IFT80: variants seen among roughly 807,000 people sequenced by gnomAD.
IFT80 encodes the protein intraflagellar transport protein 80 homolog.
IFT80 carries 79 observed loss-of-function variants against 107.9 expected under a neutral mutation model. That is an observed-to-expected ratio of 0.73 (90% CI 0.61 to 0.88). The LOEUF (loss-of-function observed/expected upper bound fraction) is 0.88, where lower values mean the gene tolerates loss of function less well. Ranked by LOEUF, IFT80 falls within the 40% of genes least tolerant of loss-of-function variation. The pLI, the probability that IFT80 is intolerant of heterozygous loss-of-function variation, is 0.00. For synonymous variants in IFT80, 299 were observed against 300.9 expected, an observed-to-expected ratio of 0.99 and a Z score of 0.07; for missense variants, 797 against 914.2, an observed-to-expected ratio of 0.87 and a Z score of 1.65.
At chr3:160,360,287 G>C (rs752275016) in intron 6 of IFT80, among the ~76,000 whole-genome samples, 6 of 152,122 alleles carry the variant, frequency 3.9e-5, no homozygotes, top group African/African-American at 7.2e-5. Context: ...GAAATAAAGT[G>C]AGAAGAGAAG....
chr3:160,283,619 A>T (rs189491639), intron 13 of IFT80, among the ~76,000 whole-genome samples: 1 of 152,358 alleles, frequency 6.6e-6, no homozygotes, highest in African/African-American at 2.4e-5. Context: ...AGGTATTTTC[A>T]AAATGGAAAT....
Position 160,277,596 on chromosome 3 carries a change from A to G in IFT80, c.1911T>C (p.Tyr637=). 6.2e-7 allele frequency: 1 copy of G among 1,613,144 alleles called. No individual in the cohort carries two copies. Among genetic ancestry groups the G allele is most frequent in the Non-Finnish European group, 8.5e-7 (1 of 1,179,216 alleles). The change falls in exon 17 of 20, where the codon TAT becomes TAC. Residue 637 remains tyrosine (Y), a synonymous_variant. Coordinates refer to ENST00000326448, the MANE Select transcript of IFT80 (RefSeq NM_020800.3). ...NRDMTTAEIA[Y]AAIGEIDKVQ... is the part of the protein sequence containing the mutation. ...AATTACTTACTTCACCAATTGCTGC[A>G]TAGGCTATTTCTGCAGTAGTCATAT... is the stretch of plus-strand genomic sequence containing the variant.
Position 160,275,401 on chromosome 3 carries a change from T to C in IFT80, c.2099+1905A>G, listed in dbSNP as rs531027747. Reference sequence around the variant, plus strand: ...CTGGTACCATTGTTTATATTGTTTTTACTGGATTACTGTTTATCTCTCTAA... The same window carrying C: ...CTGGTACCATTGTTTATATTGTTTTCACTGGATTACTGTTTATCTCTCTAA... On this transcript the variant is annotated intron_variant, in intron 18 of 19. Coordinates refer to ENST00000326448, the MANE Select transcript of IFT80 (RefSeq NM_020800.3). Among the ~76,000 whole-genome samples, 50 of 152,348 alleles carry C rather than the reference T, an allele frequency of 3.3e-4. 1 individual carries two copies. Among genetic ancestry groups the C allele is most frequent in the Admixed American group, 9.8e-4 (15 of 15,300 alleles).
intron 1 of IFT80, among the ~76,000 whole-genome samples, chr3:160,387,796 C>A (rs1377987454): frequency 1.3e-5 from 2 of 152,010 alleles, no homozygotes; most frequent in Non-Finnish European, 2.9e-5. Flanking sequence ...ATATTCAAAG[C>A]CATGGAATAA....
intron 10 of IFT80, among the ~76,000 whole-genome samples, chr3:160,304,341 T>C (rs555541057): frequency 1.5e-4 from 23 of 152,148 alleles, no homozygotes; most frequent in Non-Finnish European, 2.5e-4. Flanking sequence ...TTAAAAACAG[T>C]AGCAGCATGG....
chr3:160,261,034 C>T (rs563641560), intron 19 of IFT80, among the ~76,000 whole-genome samples: 21 of 152,276 alleles, frequency 1.4e-4, no homozygotes, highest in African/African-American at 4.3e-4. Context: ...ATTCCATTTT[C>T]TTTGACTCCT....
At chr3:160,363,787 G>C (rs1254256131) in intron 6 of IFT80, among the ~76,000 whole-genome samples, 2 of 152,084 alleles carry the variant, frequency 1.3e-5, no homozygotes, top group East Asian at 3.9e-4. Context: ...AATGGTACTG[G>C]GAAAACTGGT....
chr3:160,282,975 A>G (rs181524950), intron 13 of IFT80, among the ~76,000 whole-genome samples: 1 of 152,206 alleles, frequency 6.6e-6, no homozygotes, highest in Non-Finnish European at 1.5e-5. Context: ...TTGATTAATA[A>G]GTTGCCTAAC....
intron 18 of IFT80, among the ~76,000 whole-genome samples, chr3:160,269,122 G>A (rs570343452): frequency 2.0e-4 from 30 of 152,050 alleles, no homozygotes; most frequent in African/African-American, 6.3e-4. Context: ...CCAACTACTC[G>A]GGAGGCTGAG....
At chr3:160,299,179 CT>C (rs1716219663) in intron 12 of IFT80, 1 of 998,788 alleles carries the variant, frequency 1.0e-6, no homozygotes, top group Non-Finnish European at 1.2e-6. Context: ...TGTCTGCCAT[CT>C]GGATACTATA....
chr3:160,281,547 T>C (rs1160878839), intron 14 of IFT80, among the ~76,000 whole-genome samples: 1 of 152,062 alleles, frequency 6.6e-6, no homozygotes, highest in African/African-American at 2.4e-5. Context: ...AAAATAATAA[T>C]TGGTTGCAGC....
chr3:160,324,659 C>A (rs1718543881), intron 8 of IFT80, among the ~76,000 whole-genome samples: 1 of 151,942 alleles, frequency 6.6e-6, no homozygotes, highest in Non-Finnish European at 1.5e-5. Flanking sequence ...TATGACAAAC[C>A]CACAGCTAAT....
At position 160,364,064 on chromosome 3, in the gene IFT80, C is replaced by G. The variant is rs1054793124; in HGVS notation, c.549+1979G>C. On this transcript the variant is annotated intron_variant, in intron 6 of 19. Coordinates refer to ENST00000326448, the MANE Select transcript of IFT80 (RefSeq NM_020800.3). ...CAAAAGAAACTACCATCAGAGTGAA[C>G]AGGCAACCTACAGAATGGGAGAAAA... 2.0e-5 allele frequency among the ~76,000 whole-genome samples: 3 copies of G among 152,150 alleles called. No individual in the cohort carries two copies. In the East Asian group the frequency reaches 5.8e-4, roughly 29 times the overall value.
chr3:160,322,089 G>A (rs1718276855), intron 8 of IFT80, among the ~76,000 whole-genome samples: 1 of 150,908 alleles, frequency 6.6e-6, no homozygotes, highest in East Asian at 1.9e-4. Context: ...TAATGTGCAG[G>A]TTAGTTATAT....
intron 3 of IFT80, among the ~76,000 whole-genome samples, chr3:160,378,240 T>C (rs1477041868): frequency 7.5e-6 from 1 of 133,764 alleles, no homozygotes; most frequent in Non-Finnish European, 1.6e-5. Context: ...TTATAGCCTA[T>C]AAAAAAAAAA....
chr3:160,304,952 T>C (rs997092310), intron 10 of IFT80, among the ~76,000 whole-genome samples: 2 of 152,206 alleles, frequency 1.3e-5, no homozygotes, highest in Non-Finnish European at 2.9e-5. Context: ...CTGTGAAGCA[T>C]TCTGTAAACT....
Position 160,307,413 on chromosome 3 carries a change from T to C in IFT80, c.1076+250A>G, listed in dbSNP as rs570602109. Among the ~76,000 whole-genome samples, 17 of 152,296 alleles carry C rather than the reference T, an allele frequency of 1.1e-4. No homozygotes were observed. In the South Asian group the frequency reaches 3.3e-3, roughly 30 times the overall value. ...ATCCTCCTGCTTTGGTCTCCAAAAGTGCTGGGGTTACAAGCATGAGCCATT... is the reference window on the plus strand; with the variant it reads ...ATCCTCCTGCTTTGGTCTCCAAAAGCGCTGGGGTTACAAGCATGAGCCATT... On this transcript the variant is annotated intron_variant, in intron 10 of 19. Coordinates refer to ENST00000326448, the MANE Select transcript of IFT80 (RefSeq NM_020800.3).
chr3:160,259,493 C>T (rs541081094), intron 19 of IFT80, among the ~76,000 whole-genome samples: 6 of 152,286 alleles, frequency 3.9e-5, no homozygotes, highest in African/African-American at 1.4e-4. Flanking sequence ...GGCTCCTTTG[C>T]ACCAACTCTT....
In IFT80 at chr3:160,303,925, G is replaced by A; in HGVS notation, c.1141C>T (p.Gln381Ter). 1 of 1,604,808 alleles carries A rather than the reference G, an allele frequency of 6.2e-7. No homozygotes were observed. Among genetic ancestry groups the A allele is most frequent in the Non-Finnish European group, 8.5e-7 (1 of 1,171,848 alleles). Residue 381 changes from glutamine to a stop codon, truncating the protein, a stop_gained, in exon 11 of 20, where the codon CAG (glutamine) becomes TAG (stop). Coordinates refer to ENST00000326448, the MANE Select transcript of IFT80 (RefSeq NM_020800.3). LOFTEE classifies it high-confidence loss of function. ...LKEGTVSLIL[Q>*]AERHFLLVDG... is the part of the protein sequence containing the mutation. ...AACATAATAAATTACCTTTCTGCCT[G>A]CAGAATCAAACTAACAGTTCCTTCT...
Sources: gnomAD v4.1 joint callset for allele counts (sites outside exome capture counted in the v4.1 genomes callset) on GRCh38, gnomAD v4.1.1 for gene constraint, MANE v1.5 for transcripts, NCBI Gene and HGNC (gene_info 2026-07-23, HGNC 2026-07-21) for gene names.